The following SYN3 variants were observed in gnomAD, a reference collection of about 807,000 sequenced individuals.
The protein encoded by SYN3 is synapsin-3.
Under a neutral mutation model 65.8 loss-of-function variants are expected in SYN3, and 35 were observed. The ratio of observed to expected loss-of-function variants is 0.53; its 90% CI spans 0.41 to 0.70. SYN3 has a LOEUF of 0.70. Among genes scored for constraint, SYN3 ranks in the 30% least tolerant of loss-of-function variants. The pLI is 0.00. For synonymous variants in SYN3, 270 were observed against 292.9 expected, an observed-to-expected ratio of 0.92 and a Z score of 0.80; for missense variants, 680 against 749.0, an observed-to-expected ratio of 0.91 and a Z score of 1.08.
At chr22:32,961,889 G>A (rs1234450825) in intron 3 of SYN3, among the ~76,000 whole-genome samples, 30 of 152,264 alleles carry the variant, frequency 2.0e-4, no homozygotes, top group Non-Finnish European at 5.9e-5. Context: ...GCTCCATTCT[G>A]TGAATAGAGA....
chr22:32,823,714 C>T (rs1052844385), intron 6 of SYN3, among the ~76,000 whole-genome samples: 1 of 152,042 alleles, frequency 6.6e-6, no homozygotes, highest in Non-Finnish European at 1.5e-5. Flanking sequence ...TAATAATAGG[C>T]CGTGTAGGAG....
chr22:32,516,420 A>G (rs980735267), intron 13 of SYN3, among the ~76,000 whole-genome samples: 1 of 151,590 alleles, frequency 6.6e-6, no homozygotes, highest in Non-Finnish European at 1.5e-5. Context: ...CTGGAGTGCA[A>G]TGGCGCCATC....
intron 6 of SYN3, among the ~76,000 whole-genome samples, chr22:32,767,157 C>A (rs1353512752): frequency 6.6e-6 from 1 of 152,190 alleles, no homozygotes; most frequent in East Asian, 1.9e-4. Flanking sequence ...ACTTTGCACA[C>A]CTGCCTACTC....
chr22:32,940,541 T>C (rs571409105), intron 3 of SYN3, among the ~76,000 whole-genome samples: 25 of 152,330 alleles, frequency 1.6e-4, no homozygotes, highest in African/African-American at 5.5e-4. Flanking sequence ...TTTAAATATA[T>C]ACTATGTGAG....
chr22:32,728,888 C>T (rs141445249), intron 6 of SYN3, among the ~76,000 whole-genome samples: 1 of 152,244 alleles, frequency 6.6e-6, no homozygotes, highest in East Asian at 1.9e-4. Flanking sequence ...GCAGAGCACA[C>T]TCCTGTGGCA....
intron 12 of SYN3, among the ~76,000 whole-genome samples, chr22:32,521,613 A>AT (rs1568999539): frequency 1.3e-5 from 2 of 151,640 alleles, no homozygotes; most frequent in South Asian, 2.1e-4. Flanking sequence ...CGCCCAGCTA[A>AT]TTTTTTGTAT....
At chr22:32,884,682 T>C (rs576328174) in intron 4 of SYN3, among the ~76,000 whole-genome samples, 2 of 152,234 alleles carry the variant, frequency 1.3e-5, no homozygotes, top group African/African-American at 4.8e-5. Context: ...AGACAGACCA[T>C]CCTGGCCAAC....
At chr22:32,794,913 A>G (rs1211182365) in intron 6 of SYN3, among the ~76,000 whole-genome samples, 1 of 152,212 alleles carries the variant, frequency 6.6e-6, no homozygotes, top group African/African-American at 2.4e-5. Context: ...CCAAGAGTGC[A>G]TTGTGAACAA....
intron 12 of SYN3, among the ~76,000 whole-genome samples, chr22:32,520,819 A>AGAG (rs1313586715): frequency 6.6e-6 from 1 of 152,136 alleles, no homozygotes; most frequent in Admixed American, 6.5e-5. Context: ...CAGGAGCCTC[A>AGAG]GGTCCTGACT....
intron 4 of SYN3, among the ~76,000 whole-genome samples, chr22:32,906,718 C>T (rs549561106): frequency 2.0e-5 from 3 of 152,100 alleles, no homozygotes; most frequent in East Asian, 3.9e-4. Context: ...CCATGTGTTC[C>T]CATTGTTCAA....
At chr22:32,744,465 C>T (rs1439308911) in intron 6 of SYN3, among the ~76,000 whole-genome samples, 1 of 152,088 alleles carries the variant, frequency 6.6e-6, no homozygotes, top group African/African-American at 2.4e-5. Flanking sequence ...GCTAACAGGC[C>T]GTGTAATAAT....
chr22:32,729,473 G>A (rs967849931), intron 6 of SYN3, among the ~76,000 whole-genome samples: 11 of 152,200 alleles, frequency 7.2e-5, no homozygotes, highest in African/African-American at 2.7e-4. Context: ...GGCACCTTCA[G>A]GGGATCCTCC....
intron 6 of SYN3, among the ~76,000 whole-genome samples, chr22:32,749,195 C>T (rs549571814): frequency 8.6e-5 from 13 of 152,006 alleles, no homozygotes; most frequent in Non-Finnish European, 1.3e-4. Flanking sequence ...ACTGTGTCCT[C>T]GAATGCCAAA....
At chr22:32,740,952 G>A (rs2061396852) in intron 6 of SYN3, among the ~76,000 whole-genome samples, 1 of 152,126 alleles carries the variant, frequency 6.6e-6, no homozygotes, top group African/African-American at 2.4e-5. Context: ...TCGCAGTCCC[G>A]TGGGGGCTGC....
At chr22:32,922,783 G>T (rs1046596116) in intron 4 of SYN3, among the ~76,000 whole-genome samples, 1 of 152,104 alleles carries the variant, frequency 6.6e-6, no homozygotes, top group African/African-American at 2.4e-5. Context: ...CCAATTGACT[G>T]GGGCTAGTCA....
intron 6 of SYN3, among the ~76,000 whole-genome samples, chr22:32,854,208 G>T (rs533474977): frequency 1.3e-5 from 2 of 152,248 alleles, no homozygotes; most frequent in South Asian, 4.1e-4. Context: ...GTTCTTTTCA[G>T]AATTGACCCT....
At chr22:32,833,523 A>G (rs1006916486) in intron 6 of SYN3, among the ~76,000 whole-genome samples, 2 of 152,168 alleles carry the variant, frequency 1.3e-5, no homozygotes, top group Non-Finnish European at 1.5e-5. Flanking sequence ...TGTAGAAGAA[A>G]TTCAAAGGAG....
At chr22:32,829,389 C>G (rs970853584) in intron 6 of SYN3, among the ~76,000 whole-genome samples, 6 of 152,206 alleles carry the variant, frequency 3.9e-5, no homozygotes, top group African/African-American at 1.4e-4. Flanking sequence ...CCAGCTGGCT[C>G]CCAGTTGGCA....
chr22:32,975,005 A>G (rs915587802), intron 3 of SYN3, among the ~76,000 whole-genome samples: 1 of 152,080 alleles, frequency 6.6e-6, no homozygotes, highest in African/African-American at 2.4e-5. Flanking sequence ...CCTACACCGC[A>G]TTTCCTCCCA....
Sources: allele counts gnomAD v4.1 joint callset (sites outside exome capture counted in the v4.1 genomes callset), GRCh38; gene constraint gnomAD v4.1.1; transcripts MANE v1.5; gene names NCBI Gene and HGNC (gene_info 2026-07-23, HGNC 2026-07-21).